ZNF282: variants seen among roughly 807,000 people sequenced by gnomAD.
ZNF282 encodes the protein HTLV-I U5 repressive element-binding protein 1.
In ZNF282, 30 loss-of-function variants were observed where a neutral mutation model predicts 61.9. That is an observed-to-expected ratio of 0.48 (90% CI 0.36 to 0.66). ZNF282 has a LOEUF of 0.66. ZNF282 is among the 30% of genes least tolerant of loss of function. The pLI, the probability that ZNF282 is intolerant of heterozygous loss-of-function variation, is 0.00. For synonymous variants in ZNF282, 396 were observed against 405.0 expected, an observed-to-expected ratio of 0.98 and a Z score of 0.27; for missense variants, 788 against 941.4, an observed-to-expected ratio of 0.84 and a Z score of 2.13.
intron 1 of ZNF282, among the ~76,000 whole-genome samples, chr7:149,196,984 G>A (rs1353945142): frequency 1.3e-5 from 2 of 152,156 alleles, no homozygotes; most frequent in East Asian, 1.9e-4. Flanking sequence ...TGCAGCCATC[G>A]GGAGGACAGA....
At chr7:149,203,239 G>A (rs1335536618) in intron 2 of ZNF282, among the ~76,000 whole-genome samples, 1 of 152,238 alleles carries the variant, frequency 6.6e-6, no homozygotes, top group East Asian at 1.9e-4. Flanking sequence ...TCTGTGCGCT[G>A]CATTAGGCAT....
chr7:149,202,150 CTT>C (rs35380773), intron 2 of ZNF282, among the ~76,000 whole-genome samples: 21 of 126,534 alleles, frequency 1.7e-4, no homozygotes, highest in African/African-American at 2.4e-4. Flanking sequence ...AGATATGCTT[CTT>C]TTTTTTTTTT....
At chr7:149,199,432 C>T (rs1289070059) in intron 2 of ZNF282, among the ~76,000 whole-genome samples, 1 of 152,090 alleles carries the variant, frequency 6.6e-6, no homozygotes, top group African/African-American at 2.4e-5. Flanking sequence ...CAGCGTCTCT[C>T]TCCTTTCTCC....
At chr7:149,214,000 C>T (rs1796125775) in intron 7 of ZNF282, among the ~76,000 whole-genome samples, 186 bp downstream of exon 7, 4 of 152,146 alleles carry the variant, frequency 2.6e-5, no homozygotes, top group Non-Finnish European at 5.9e-5. Flanking sequence ...TATTAGCTCC[C>T]CAGGACTGTC....
At chr7:149,209,505 C>T (rs1399093357) in intron 4 of ZNF282, among the ~76,000 whole-genome samples, 1 of 152,178 alleles carries the variant, frequency 6.6e-6, no homozygotes, top group Admixed American at 6.6e-5. Context: ...GCGGTAGTAA[C>T]AGCACCTAGT....
chr7:149,213,842 G>T, intron 7 of ZNF282, 28 bp downstream of exon 7: 1 of 1,557,302 alleles, frequency 6.4e-7, no homozygotes, highest in Non-Finnish European at 8.8e-7. Context: ...CTAGACCCTG[G>T]GGTTTCTTCT....
At chr7:149,212,243 C>A in intron 5 of ZNF282, 115 bp from the exon 6 acceptor site, 1 of 677,070 alleles carries the variant, frequency 1.5e-6, no homozygotes, top group Non-Finnish European at 2.5e-6. Flanking sequence ...TGTAATTGTA[C>A]CTGATGTTTA....
intron 4 of ZNF282, among the ~76,000 whole-genome samples, chr7:149,207,792 G>C (rs1796020409): frequency 6.6e-6 from 1 of 152,256 alleles, no homozygotes; most frequent in Admixed American, 6.5e-5. Context: ...CAGAGAGGCT[G>C]ACAGAGGAGG....
At chr7:149,202,150 C>CTTTTTT (rs35380773) in intron 2 of ZNF282, among the ~76,000 whole-genome samples, 4 of 126,568 alleles carry the variant, frequency 3.2e-5, no homozygotes, top group Non-Finnish European at 5.0e-5. Context: ...AGATATGCTT[C>CTTTTTT]TTTTTTTTTT....
At chr7:149,206,504 C>G in intron 2 of ZNF282, 192 bp from the exon 3 acceptor site, 1 of 732,376 alleles carries the variant, frequency 1.4e-6, no homozygotes. Context: ...GTTGACCATC[C>G]GTGTTATTGA....
intron 2 of ZNF282, among the ~76,000 whole-genome samples, chr7:149,205,171 G>A (rs1167314914): frequency 6.6e-6 from 1 of 152,112 alleles, no homozygotes; most frequent in African/African-American, 2.4e-5. Flanking sequence ...CAGGTGCAGT[G>A]GCTCACCCCT....
At position 149,225,697 on chromosome 7, in the gene ZNF282, A is replaced by G. The variant is rs1796358756; in HGVS notation, c.*1050A>G. On this transcript the variant is annotated 3_prime_UTR_variant, in exon 8 of 8. Transcript: ENST00000610704. The stretch of plus-strand genomic sequence containing the variant: ...GTGTCTCTTCCCAGCAGCGCCGGGC[A>G]AGTGGGTGCTAGAGTCTGAGCCTCA... The G allele has an allele frequency of 6.5e-6, 1 of 152,766 alleles. No individual in the cohort carries two copies. The highest frequency in any genetic ancestry group is 2.1e-4 in the South Asian group (1 of 4,832). The allele number at this position is 152,766 out of a possible 1,614,324, so 9.5% of individuals were successfully genotyped here. A position where few individuals can be genotyped will look rare whatever the true frequency, so the allele number is the denominator to read the frequency against.
Position 149,210,724 on chromosome 7 carries a change from G to T in ZNF282, c.952+20G>T, listed in dbSNP as rs371065233. On this transcript the variant is annotated intron_variant, in intron 5 of 7. Coordinates refer to ENST00000610704, the MANE Select transcript of ZNF282 (RefSeq NM_003575.4). ...TTACCGGTGAGTGAGCCAAGCAGCC[G>T]TCCACACCAGGGAGGGGAGGGGAGG... is the stretch of plus-strand genomic sequence containing the variant. 4 of 1,557,648 alleles carry T rather than the reference G, an allele frequency of 2.6e-6. No homozygotes were observed. In the South Asian group the frequency reaches 3.7e-5, roughly 14 times the overall value.
intron 2 of ZNF282, among the ~76,000 whole-genome samples, chr7:149,204,699 A>C (rs1457818548): frequency 6.6e-6 from 1 of 152,190 alleles, no homozygotes; most frequent in East Asian, 1.9e-4. Context: ...GTTTGAAACA[A>C]GCCTCCCGGA....
At position 149,210,896 on chromosome 7, in the gene ZNF282, T is replaced by C. The variant is rs548515052; in HGVS notation, c.952+192T>C. Among the ~76,000 whole-genome samples, 147 of 152,352 alleles carry C rather than the reference T, an allele frequency of 9.6e-4. 6 individuals carry two copies. The South Asian group carries it at 0.027, about 28-fold the overall frequency. On this transcript the variant is annotated intron_variant, in intron 5 of 7. Transcript: ENST00000610704. ...GGAGACACAGACGTGGCAAACAGCA[T>C]TGACAATTTGCTGGTACACCTGGGC...
At chr7:149,207,922 G>A (rs929709980) in intron 4 of ZNF282, among the ~76,000 whole-genome samples, 6 of 152,180 alleles carry the variant, frequency 3.9e-5, no homozygotes, top group South Asian at 2.1e-4. Flanking sequence ...CTGCAGGCTC[G>A]CCCTGCAAGC....
intron 7 of ZNF282, among the ~76,000 whole-genome samples, chr7:149,215,591 G>C (rs1796150096): frequency 6.6e-6 from 1 of 152,236 alleles, no homozygotes; most frequent in Non-Finnish European, 1.5e-5. Context: ...ACTCAGGCAA[G>C]CGGATCACAC....
intron 5 of ZNF282, 52 bp downstream of exon 5, chr7:149,210,756 G>GA (rs753100600): frequency 2.0e-6 from 3 of 1,487,964 alleles, no homozygotes; most frequent in Admixed American, 2.6e-5. Context: ...GAGGGGAGAG[G>GA]GTTAGCATGG....
intron 2 of ZNF282, among the ~76,000 whole-genome samples, chr7:149,204,117 G>A (rs1202412): frequency 1.3e-5 from 2 of 151,900 alleles, no homozygotes; most frequent in African/African-American, 4.8e-5. Flanking sequence ...GCTCACTCAC[G>A]TACCTGTTGG....
Sources: gnomAD v4.1 joint callset for allele counts (sites outside exome capture counted in the v4.1 genomes callset) on GRCh38, gnomAD v4.1.1 for gene constraint, MANE v1.5 for transcripts, NCBI Gene and HGNC (gene_info 2026-07-23, HGNC 2026-07-21) for gene names.